PLCE1: variants seen among roughly 807,000 people sequenced by gnomAD.
The protein encoded by PLCE1 is 1-phosphatidylinositol 4,5-bisphosphate phosphodiesterase epsilon-1.
Under a neutral mutation model 242.8 loss-of-function variants are expected in PLCE1, and 119 were observed. The observed-to-expected ratio is 0.49, with a 90% CI of 0.42 to 0.57. The LOEUF is 0.57. Ranked by LOEUF, PLCE1 falls within the 20% of genes least tolerant of loss-of-function variation. PLCE1 has a pLI of 0.00. For missense variants in PLCE1, 2,441 were observed against 2,788.8 expected (o/e 0.88, Z 2.81); for synonymous variants, 945 against 1,017.4 (o/e 0.93, Z 1.35).
chr10:94,131,960 TTGAA>T (rs771654764), intron 2 of PLCE1, among the ~76,000 whole-genome samples: 7 of 152,198 alleles, frequency 4.6e-5, no homozygotes, highest in Non-Finnish European at 7.3e-5. Flanking sequence ...GCAGAGTTGT[TTGAA>T]TGACCTATTT....
intron 3 of PLCE1, among the ~76,000 whole-genome samples, chr10:94,161,772 G>A (rs2047622461): frequency 6.6e-6 from 1 of 152,222 alleles, no homozygotes; most frequent in Non-Finnish European, 1.5e-5. Context: ...TGCCCATTCA[G>A]TATGATATTG....
chr10:94,174,840 C>T (rs564487179), intron 4 of PLCE1, among the ~76,000 whole-genome samples: 1 of 152,150 alleles, frequency 6.6e-6, no homozygotes, highest in Admixed American at 6.5e-5. Context: ...CCTAGTGGAC[C>T]ATGGACTAGA....
chr10:94,323,847 T>C (rs2053912350), intron 30 of PLCE1, among the ~76,000 whole-genome samples: 1 of 152,218 alleles, frequency 6.6e-6, no homozygotes, highest in Non-Finnish European at 1.5e-5. Flanking sequence ...AACAAATGCA[T>C]CAATGAAAGA....
chr10:94,274,957 G>C (rs544145466), intron 19 of PLCE1, among the ~76,000 whole-genome samples: 11 of 152,200 alleles, frequency 7.2e-5, no homozygotes, highest in African/African-American at 2.4e-4. Context: ...TTTTCTTCTA[G>C]AGCCCTGTTC....
intron 2 of PLCE1, among the ~76,000 whole-genome samples, chr10:94,120,154 A>G (rs1187298353): frequency 6.6e-6 from 1 of 152,134 alleles, no homozygotes; most frequent in East Asian, 1.9e-4. Flanking sequence ...GGGAGACTCA[A>G]CAATTCCTCT....
At chr10:94,048,937 T>A (rs1309912232) in intron 2 of PLCE1, among the ~76,000 whole-genome samples, 1 of 151,484 alleles carries the variant, frequency 6.6e-6, no homozygotes, top group Admixed American at 6.6e-5. Context: ...TATTTTTTTT[T>A]ATTTTTAGTA....
Position 94,205,691 on chromosome 10 carries a change from C to G in PLCE1, c.1810-21615C>G, listed in dbSNP as rs985970007. On this transcript the variant is annotated intron_variant, in intron 4 of 32. Coordinates refer to ENST00000371380, the MANE Select transcript of PLCE1 (RefSeq NM_016341.4). Reference sequence around the variant, plus strand: ...CTAATGCCCTTTCCAGGATGAGCAGCCCCAAAATGCATCTGCAGATCTCTA... The same window carrying G: ...CTAATGCCCTTTCCAGGATGAGCAGGCCCAAAATGCATCTGCAGATCTCTA... 4.6e-5 allele frequency among the ~76,000 whole-genome samples: 7 copies of G among 152,200 alleles called. No individual in the cohort carries two copies. In the South Asian group the frequency reaches 6.2e-4, roughly 13 times the overall value.
intron 2 of PLCE1, among the ~76,000 whole-genome samples, chr10:94,128,597 G>A (rs2046503980): frequency 1.3e-5 from 2 of 152,150 alleles, no homozygotes; most frequent in African/African-American, 4.8e-5. Context: ...TATATACATA[G>A]CATTTATATA....
At chr10:94,033,819 T>G (rs2061611096) in intron 2 of PLCE1, among the ~76,000 whole-genome samples, 1 of 152,126 alleles carries the variant, frequency 6.6e-6, no homozygotes, top group South Asian at 2.1e-4. Context: ...TTTTCATAAG[T>G]CCTTTAAAAC....
intron 19 of PLCE1, chr10:94,279,237 T>G (rs1468277694): frequency 1.2e-5 from 2 of 169,938 alleles, no homozygotes; most frequent in Non-Finnish European, 1.3e-5. Context: ...TTCCTAAAGT[T>G]TCTAGGCCTG....
intron 4 of PLCE1, among the ~76,000 whole-genome samples, chr10:94,199,044 T>A (rs1206504969): frequency 2.0e-5 from 3 of 152,178 alleles, no homozygotes; most frequent in Non-Finnish European, 4.4e-5. Flanking sequence ...AGTGAGACCC[T>A]GTCTCAAAAA....
At chr10:94,044,641 C>T (rs976994380) in intron 2 of PLCE1, among the ~76,000 whole-genome samples, 1 of 152,212 alleles carries the variant, frequency 6.6e-6, no homozygotes, top group Non-Finnish European at 1.5e-5. Context: ...TGGACTGAGC[C>T]TCATGGGCAC....
intron 4 of PLCE1, among the ~76,000 whole-genome samples, chr10:94,215,835 A>C (rs1451481046): frequency 6.6e-6 from 1 of 152,142 alleles, no homozygotes; most frequent in African/African-American, 2.4e-5. Context: ...TTGTGAGAGA[A>C]TCAGCTGAAC....
intron 4 of PLCE1, among the ~76,000 whole-genome samples, chr10:94,204,740 A>AAGGG (rs1156569478): frequency 4.7e-4 from 58 of 124,456 alleles, no homozygotes; most frequent in African/African-American, 1.2e-3. Flanking sequence ...AGGAAAGAAG[A>AAGGG]AGGGAGGGAG....
chr10:94,261,871 A>G (rs2051310491), intron 13 of PLCE1, among the ~76,000 whole-genome samples: 1 of 152,170 alleles, frequency 6.6e-6, no homozygotes, highest in Non-Finnish European at 1.5e-5. Context: ...TACAAACAAA[A>G]ATGTGCAAGT....
At chr10:94,060,587 TG>T (rs2044021950) in intron 2 of PLCE1, among the ~76,000 whole-genome samples, 1 of 152,166 alleles carries the variant, frequency 6.6e-6, no homozygotes, top group African/African-American at 2.4e-5. Flanking sequence ...GAATTTATAT[TG>T]AACTCCTAGA....
intron 3 of PLCE1, among the ~76,000 whole-genome samples, chr10:94,158,272 G>T (rs575258366): frequency 6.4e-4 from 98 of 152,132 alleles, no homozygotes; most frequent in Admixed American, 2.6e-3. Flanking sequence ...CTGGGTAAGA[G>T]GGCATCAGAT....
At position 94,252,382 on chromosome 10, in the gene PLCE1, A is replaced by C; in HGVS notation, c.3163A>C (p.Ser1055Arg). The C allele has an allele frequency of 6.2e-7, 1 of 1,614,138 alleles. No homozygotes were observed. ...GGAGTTGTTTGGTGGCAGACGGTGG[A>C]GTGCTCGAAACCCCAGCCCCGGAAC... ...AVELFGGRRW[S>R]ARNPSPGTSA... Residue 1055 changes from serine to arginine, a missense_variant, in exon 9 of 33, where the codon AGT becomes CGT. By Grantham distance (110) the Ser-to-Arg change is moderately radical. This residue lies in a region of PLCE1 where 1,004 missense variants were observed against 1,322.7 expected (regional missense o/e 0.76). Transcript: ENST00000371380.
rs1181030352 is a variant in PLCE1 at position 94,173,505 on chromosome 10, C to G, written c.1809+2009C>G. On this transcript the variant is annotated intron_variant, in intron 4 of 32. Coordinates refer to ENST00000371380, the MANE Select transcript of PLCE1 (RefSeq NM_016341.4). ...AATTATTTTAAACTTCCAGATCTACCCACTCTCACATCCTTAGGACCCTAT... is the reference window on the plus strand; with the variant it reads ...AATTATTTTAAACTTCCAGATCTACGCACTCTCACATCCTTAGGACCCTAT... Among the ~76,000 whole-genome samples the G allele has an allele frequency of 5.3e-5, 8 of 151,830 alleles. 1 individual carries two copies. The highest frequency in any genetic ancestry group is 8.8e-5 in the Non-Finnish European group (6 of 67,926).
Sources: gnomAD v4.1 joint callset for allele counts (sites outside exome capture counted in the v4.1 genomes callset) on GRCh38, gnomAD v4.1.1 for gene constraint, gnomAD v4.1.1 regional missense constraint, MANE v1.5 for transcripts, NCBI Gene and HGNC (gene_info 2026-07-23, HGNC 2026-07-21) for gene names.